Variants in ZGRF1 observed in about 807,000 individuals in gnomAD.
ZGRF1 encodes 5'-3' DNA helicase ZGRF1.
In ZGRF1, 196 loss-of-function variants were observed where a neutral mutation model predicts 203.5. That is an observed-to-expected ratio of 0.96 (90% confidence interval 0.86 to 1.08). ZGRF1 has a LOEUF of 1.08. Among genes scored for constraint, ZGRF1 ranks in the 50% least tolerant of loss-of-function variants. The probability of loss-of-function intolerance (pLI) is 0.00; values close to 1 mark genes in which losing one functional copy is unlikely to be tolerated. For missense variants in ZGRF1, 2,326 were observed against 2,416.3 expected, an observed-to-expected ratio of 0.96 and a Z score of 0.78; for synonymous variants, 809 against 841.3, an observed-to-expected ratio of 0.96 and a Z score of 0.66.
chr4:112,630,735 C>T (rs2047381314), intron 3 of ZGRF1, among the ~76,000 whole-genome samples: 1 of 151,882 alleles, frequency 6.6e-6, no homozygotes, highest in South Asian at 2.1e-4. Context: ...ACTAAAAATA[C>T]AAAAAATTAG....
Position 112,619,169 on chromosome 4 carries a change from A to C in ZGRF1, c.873T>G (p.Thr291=), listed in dbSNP as rs2046983697. 1 of 1,613,482 alleles carries C rather than the reference A, an allele frequency of 6.2e-7. No homozygotes were observed. The change falls in exon 6 of 28, where the codon ACT becomes ACG. Residue 291 remains threonine (T), a synonymous_variant. Transcript: ENST00000505019. ...KQPQGSLKIA[T]KPKYLIQQEE... is the part of the protein sequence containing the mutation. ...CCTGTTGAATTAGGTACTTTGGTTT[A>C]GTAGCAATTTTTAAACTTCCTTGTG...
intron 8 of ZGRF1, among the ~76,000 whole-genome samples, chr4:112,608,242 T>C (rs1373015292): frequency 6.6e-6 from 1 of 152,180 alleles, no homozygotes; most frequent in Non-Finnish European, 1.5e-5. Flanking sequence ...ATATATGATA[T>C]CTAAGTGGCA....
At position 112,541,103 on chromosome 4, in the gene ZGRF1, CT is replaced by C; in HGVS notation, c.5763del (p.Gly1922AspfsTer2). On this transcript the variant is annotated frameshift_variant, in exon 25 of 28. Transcript: ENST00000505019. LOFTEE classifies it high-confidence loss of function. ...WLPTLCFYNV[K>X]GLEQIERDNS... Reference sequence around the variant, plus strand: ...TTAATGTCATTTACCTGTTCTAGTCCTTTAACATTATAAAAACACAGGGTTG... The same window carrying C: ...TTAATGTCATTTACCTGTTCTAGTCCTTAACATTATAAAAACACAGGGTTG... 6.3e-7 allele frequency: 1 copy of C among 1,591,188 alleles called. No individual in the cohort carries two copies.
At chr4:112,591,608 TC>T (rs1748174039) in intron 10 of ZGRF1, among the ~76,000 whole-genome samples, 1 of 152,062 alleles carries the variant, frequency 6.6e-6, no homozygotes, top group Non-Finnish European at 1.5e-5. Flanking sequence ...ACTCACTCAC[TC>T]CATGGCAGCC....
chr4:112,559,022 T>C (rs544019323), intron 19 of ZGRF1, among the ~76,000 whole-genome samples: 3 of 152,222 alleles, frequency 2.0e-5, no homozygotes, highest in Admixed American at 6.5e-5. Flanking sequence ...ACAAAGCATG[T>C]CGCTGTTAAA....
chr4:112,543,083 G>A (rs531855134), intron 24 of ZGRF1, among the ~76,000 whole-genome samples: 144 of 152,118 alleles, frequency 9.5e-4, no homozygotes, highest in African/African-American at 3.3e-3. Flanking sequence ...TTGTGAACTA[G>A]TTCAAATATA....
rs919164041 is a variant in ZGRF1, at chr4:112,619,460, C to G, written c.582G>C (p.Ser194=). ...NRERNAMDFS[S]VFSPSFQINP... ...TAATCTGGAAGGATGGAGAAAAAAC[C>G]GAAGAAAAATCCATGGCATTTCTCT... The change falls in exon 6 of 28, where the codon TCG becomes TCC. Residue 194 remains serine, a synonymous_variant. Transcript: ENST00000505019. 1 of 1,611,412 alleles carries G rather than the reference C, an allele frequency of 6.2e-7. No homozygotes were observed. Among genetic ancestry groups the G allele is most frequent in the African/African-American group, 1.3e-5 (1 of 74,758 alleles).
chr4:112,545,144 ACTT>A (rs1738495597), intron 24 of ZGRF1, among the ~76,000 whole-genome samples: 1 of 152,128 alleles, frequency 6.6e-6, no homozygotes, highest in Non-Finnish European at 1.5e-5. Flanking sequence ...GGTAAACTGA[ACTT>A]CATCGAAATT....
chr4:112,596,820 T>C (rs778670048), intron 10 of ZGRF1, among the ~76,000 whole-genome samples: 20 of 152,116 alleles, frequency 1.3e-4, no homozygotes, highest in Non-Finnish European at 1.9e-4. Context: ...CTCGAACTCC[T>C]GAGCTCAGGT....
intron 3 of ZGRF1, chr4:112,629,992 C>T: frequency 4.0e-6 from 1 of 249,120 alleles, no homozygotes; most frequent in Non-Finnish European, 8.3e-6. Flanking sequence ...GCACTCCAGC[C>T]TGGGCAACAG....
Position 112,612,556 on chromosome 4 carries a change from T to G in ZGRF1, c.2635A>C (p.Lys879Gln). Residue 879 changes from lysine (K) to glutamine (Q), a missense_variant, in exon 7 of 28, where the codon AAG (lysine) becomes CAG (glutamine). Lys to Gln is a moderately conservative substitution (Grantham distance 53, BLOSUM62 1). Transcript: ENST00000505019. The stretch of plus-strand genomic sequence containing the variant: ...GAATCCTTGTGCAGATGAGGAGACT[T>G]TGGTGAAACTACTGTAATAAATGGT... ...RKPFITVVSP[K>Q]SPHLHKDSQQ... 4 of 1,607,846 alleles carry G rather than the reference T, an allele frequency of 2.5e-6. No homozygotes were observed. Among genetic ancestry groups the G allele is most frequent in the Non-Finnish European group, 3.4e-6 (4 of 1,175,702 alleles).
At chr4:112,559,197 T>G (rs1000395614) in intron 19 of ZGRF1, among the ~76,000 whole-genome samples, 4 of 152,166 alleles carry the variant, frequency 2.6e-5, no homozygotes, top group Non-Finnish European at 4.4e-5. Context: ...TGGTTGTTTT[T>G]TTTTGTTTTG....
intron 26 of ZGRF1, 59 bp from the exon 27 acceptor site, chr4:112,540,183 A>C (rs1404126451): frequency 2.3e-6 from 3 of 1,293,876 alleles, no homozygotes; most frequent in Non-Finnish European, 3.0e-6. Flanking sequence ...TAAGCCTCTG[A>C]ACCTGCTCAA....
intron 10 of ZGRF1, among the ~76,000 whole-genome samples, chr4:112,591,325 T>C (rs1224422199): frequency 6.6e-6 from 1 of 152,154 alleles, no homozygotes; most frequent in Non-Finnish European, 1.5e-5. Context: ...ATCTAGCCAG[T>C]CTAGACTGTA....
chr4:112,617,995 T>C lies in ZGRF1; in HGVS notation c.2047A>G (p.Lys683Glu). 2 of 1,612,740 alleles carry C rather than the reference T, an allele frequency of 1.2e-6. No homozygotes were observed. The highest frequency in any genetic ancestry group is 1.3e-5 in the African/African-American group (1 of 75,036). Residue 683 changes from lysine (K) to glutamate (E), a missense_variant, in exon 6 of 28, where the codon AAA becomes GAA. Coordinates refer to ENST00000505019, the MANE Select transcript of ZGRF1 (RefSeq NM_018392.5). ...ATATGTAAATTCATGTTTATACCTT[T>C]AGATTTATTCGGGGGTAAAGCAAAA... is the stretch of plus-strand genomic sequence containing the variant. ...YDFALPPNKS[K>E]GINMNLHIPH... is the part of the protein sequence containing the mutation.
At chr4:112,606,215 A>G in intron 8 of ZGRF1, 124 bp from the exon 9 acceptor site, 1 of 643,828 alleles carries the variant, frequency 1.6e-6, no homozygotes, top group Non-Finnish European at 2.7e-6. Flanking sequence ...TGCCATCTCT[A>G]TCTTGCTTCT....
At chr4:112,560,694 T>C (rs143852024) in intron 19 of ZGRF1, 39 bp downstream of exon 19, 19 of 1,494,146 alleles carry the variant, frequency 1.3e-5, no homozygotes, top group Admixed American at 4.1e-5. Flanking sequence ...AGCTTACAAA[T>C]AGAAAACAAT....
chr4:112,561,205 T>A, intron 18 of ZGRF1: 1 of 526,706 alleles, frequency 1.9e-6, no homozygotes, highest in South Asian at 2.5e-5. Context: ...GAATACTTAC[T>A]ACATGCTGAC....
chr4:112,560,342 A>C (rs1741727069), intron 19 of ZGRF1, among the ~76,000 whole-genome samples: 1 of 152,184 alleles, frequency 6.6e-6, no homozygotes. Flanking sequence ...GATCAAGAGA[A>C]AGGACAAGAA....
Sources: allele counts gnomAD v4.1 joint callset (sites outside exome capture counted in the v4.1 genomes callset), GRCh38; gene constraint gnomAD v4.1.1; transcripts MANE v1.5; gene names NCBI Gene and HGNC (gene_info 2026-07-23, HGNC 2026-07-21).